TEX14: variants seen among roughly 807,000 people sequenced by gnomAD.
TEX14 encodes the protein testis expressed 14, intercellular bridge forming factor, also known as inactive serine/threonine-protein kinase TEX14.
Under a neutral mutation model 178.6 loss-of-function variants are expected in TEX14, and 168 were observed. The observed-to-expected ratio is 0.94, with a 90% confidence interval of 0.83 to 1.07. The LOEUF (loss-of-function observed/expected upper bound fraction) is 1.07, where lower values mean the gene tolerates loss of function less well. TEX14 is among the 50% of genes least tolerant of loss of function. TEX14 has a pLI of 0.00. For synonymous variants in TEX14, 626 were observed against 634.1 expected, an observed-to-expected ratio of 0.99 and a Z score of 0.19; for missense variants, 1,730 against 1,753.6, an observed-to-expected ratio of 0.99 and a Z score of 0.24.
chr17:58,624,539 A>G (rs2046090549), intron 3 of TEX14, among the ~76,000 whole-genome samples: 1 of 151,564 alleles, frequency 6.6e-6, no homozygotes, highest in South Asian at 2.1e-4. Flanking sequence ...ACAGGGTTTC[A>G]CCATGTTGGC....
chr17:58,683,845 T>C (rs1005188644), intron 1 of TEX14, among the ~76,000 whole-genome samples: 1 of 150,516 alleles, frequency 6.6e-6, no homozygotes, highest in Non-Finnish European at 1.5e-5. Context: ...GGCGGGCGGA[T>C]CACAAGGTCA....
chr17:58,689,847 A>AT (rs200475844), intron 1 of TEX14, among the ~76,000 whole-genome samples: 525 of 141,288 alleles, frequency 3.7e-3, no homozygotes, highest in Admixed American at 5.8e-3. Context: ...GGGCCAGAAG[A>AT]TTTTTTTTTT....
chr17:58,636,099 G>T (rs2046429131), intron 2 of TEX14, among the ~76,000 whole-genome samples: 1 of 152,202 alleles, frequency 6.6e-6, no homozygotes, highest in Admixed American at 6.5e-5. Context: ...AACAAATCTT[G>T]AGGGGATACA....
In TEX14 at chr17:58,577,390, A is replaced by C. The variant is rs1242344268; in HGVS notation, c.3305T>G (p.Phe1102Cys). 6.7e-7 allele frequency: 1 copy of C among 1,486,010 alleles called. No homozygotes were observed. Among genetic ancestry groups the C allele is most frequent in the African/African-American group, 1.5e-5 (1 of 68,794 alleles). 92.1% of individuals were successfully genotyped at this position (1,486,010 alleles called of 1,614,324 possible). The change falls in exon 21 of 32, where the codon TTT becomes TGT. Residue 1102 changes from phenylalanine (F) to cysteine (C), a missense_variant. By Grantham distance (205) the Phe-to-Cys change is radical (BLOSUM62 -2). Coordinates refer to ENST00000349033, the MANE Select transcript of TEX14 (RefSeq NM_031272.5). ...KNAEILPRSQ[F>C]QPVRSTEDEQ... The stretch of plus-strand genomic sequence containing the variant: ...TAGCCCATACCTTCGTACAGGTTGA[A>C]ATTGAGACCTGGGCAAAATCTCAGC...
chr17:58,626,002 A>T (rs1212008589), intron 3 of TEX14, among the ~76,000 whole-genome samples: 2 of 151,094 alleles, frequency 1.3e-5, no homozygotes, highest in Non-Finnish European at 1.5e-5. Context: ...CCCACCCTGG[A>T]CTTCCAAAGT....
chr17:58,601,606 A>C (rs1470760894), intron 13 of TEX14, among the ~76,000 whole-genome samples, 200 bp downstream of exon 13: 2 of 152,144 alleles, frequency 1.3e-5, no homozygotes, highest in African/African-American at 2.4e-5. Context: ...AGGCATGAGA[A>C]TCACTTGAAC....
intron 28 of TEX14, among the ~76,000 whole-genome samples, chr17:58,563,658 T>TATATATATATATAG (rs1351647352): frequency 2.3e-4 from 4 of 17,490 alleles, no homozygotes; most frequent in African/African-American, 3.4e-4. Flanking sequence ...TATATATATA[T>TATATATATATATAG]AGAGAGAGAG....
chr17:58,615,439 G>T (rs302858), intron 7 of TEX14, 94 bp from the exon 8 acceptor site: 210,791 of 793,848 alleles, frequency 0.27, 32,775 homozygotes, highest in Middle Eastern at 0.37. Flanking sequence ...CAGAGAAATG[G>T]TCTCCACACA....
At chr17:58,667,809 C>T (rs1427009589) in intron 1 of TEX14, among the ~76,000 whole-genome samples, 4 of 151,090 alleles carry the variant, frequency 2.6e-5, no homozygotes, top group East Asian at 1.9e-4. Flanking sequence ...TGCTTGAACC[C>T]GGGAGGCGAA....
intron 15 of TEX14, among the ~76,000 whole-genome samples, chr17:58,591,727 A>C (rs1215303805): frequency 1.3e-5 from 2 of 150,290 alleles, no homozygotes; most frequent in African/African-American, 4.9e-5. Context: ...AAAAAAAAAC[A>C]AAAAAAAACT....
chr17:58,578,152 G>A (rs2044724467), intron 20 of TEX14, among the ~76,000 whole-genome samples: 1 of 152,084 alleles, frequency 6.6e-6, no homozygotes, highest in South Asian at 2.1e-4. Flanking sequence ...AGGTCCAGGT[G>A]GTCTGGTAGA....
At chr17:58,602,172 G>T (rs955494571) in intron 12 of TEX14, among the ~76,000 whole-genome samples, 5 of 152,184 alleles carry the variant, frequency 3.3e-5, no homozygotes, top group African/African-American at 1.2e-4. Flanking sequence ...CCTACAGGGT[G>T]CCCCTACTAT....
At position 58,650,049 on chromosome 17, in the gene TEX14, ATTTTTG is replaced by A. The variant is rs1189336456; in HGVS notation, c.136+1811_136+1816del. On this transcript the variant is annotated intron_variant, in intron 2 of 31. Transcript: ENST00000349033. The stretch of plus-strand genomic sequence containing the variant: ...GCCACTGCGCCCAGCCCAGAGTTTT[ATTTTTG>A]TTTTTGTTTTTGTTTTTCTGAGACA... Among the ~76,000 whole-genome samples, 6 of 141,416 alleles carry A rather than the reference ATTTTTG, an allele frequency of 4.2e-5. No homozygotes were observed. In the East Asian group the frequency reaches 6.5e-4, roughly 15 times the overall value. The allele number at this position is 141,416 out of a possible 152,430, so 92.8% of individuals were successfully genotyped here.
At chr17:58,602,287 T>C in intron 12 of TEX14, 113 bp downstream of exon 12, 1 of 1,013,440 alleles carries the variant, frequency 9.9e-7, no homozygotes, top group Non-Finnish European at 1.5e-6. Flanking sequence ...TGTAATAAAA[T>C]GAGGATTTCC....
intron 14 of TEX14, among the ~76,000 whole-genome samples, chr17:58,594,397 C>T (rs1441493081): frequency 2.0e-5 from 3 of 150,584 alleles, no homozygotes; most frequent in Non-Finnish European, 4.4e-5. Flanking sequence ...GTTGCCCAGA[C>T]TGGAGTGCAG....
At chr17:58,661,358 A>T (rs777854633) in intron 1 of TEX14, 1 of 906,626 alleles carries the variant, frequency 1.1e-6, no homozygotes, top group South Asian at 1.3e-5. Flanking sequence ...TGGCACCATC[A>T]GGTACTTCAG....
intron 19 of TEX14, among the ~76,000 whole-genome samples, chr17:58,583,697 G>A (rs1010426958): frequency 6.6e-6 from 1 of 152,076 alleles, no homozygotes; most frequent in African/African-American, 2.4e-5. Flanking sequence ...CCTGGCCTCC[G>A]GCAGACATTC....
chr17:58,571,648 A>C (rs2144362039), intron 24 of TEX14, among the ~76,000 whole-genome samples: 1 of 152,288 alleles, frequency 6.6e-6, no homozygotes, highest in African/African-American at 2.4e-5. Context: ...GTATATGATT[A>C]AGTGTTTTTC....
chr17:58,629,141 C>T (rs1487123680), intron 3 of TEX14, among the ~76,000 whole-genome samples: 1 of 152,138 alleles, frequency 6.6e-6, no homozygotes, highest in Non-Finnish European at 1.5e-5. Context: ...TGAGAAGGCC[C>T]TAGCAAAAGC....
Sources: gnomAD v4.1 joint callset for allele counts (sites outside exome capture counted in the v4.1 genomes callset) on GRCh38, gnomAD v4.1.1 for gene constraint, MANE v1.5 for transcripts, NCBI Gene and HGNC (gene_info 2026-07-23, HGNC 2026-07-21) for gene names.